The following MYO18B variants were observed in gnomAD, a reference collection of about 807,000 sequenced individuals.
MYO18B encodes unconventional myosin-XVIIIb.
MYO18B carries 204 observed loss-of-function variants against 273.0 expected under a neutral mutation model. The observed-to-expected ratio is 0.75, with a 90% CI of 0.67 to 0.84. The LOEUF (loss-of-function observed/expected upper bound fraction) is 0.84. Among genes scored for constraint, MYO18B ranks in the 40% least tolerant of loss-of-function variants. The pLI is 0.00. For synonymous variants in MYO18B, 1,330 were observed against 1,305.7 expected, an observed-to-expected ratio of 1.02 and a Z score of -0.40; for missense variants, 3,212 against 3,287.6, an observed-to-expected ratio of 0.98 and a Z score of 0.56.
chr22:25,777,917 A>G lies in MYO18B; in HGVS notation c.2068+136A>G, dbSNP rs2086979819. 6.3e-6 allele frequency: 5 copies of G among 788,612 alleles called. No individual in the cohort carries two copies. In the South Asian group the frequency reaches 1.3e-4, roughly 21 times the overall value. 48.9% of individuals were successfully genotyped at this position (788,612 alleles called of 1,614,324 possible). On this transcript the variant is annotated intron_variant, in intron 8 of 43. Transcript: ENST00000335473. ...GATATGTGCAGACCCCATGCTTGCT[A>G]CTGGGCAGGGCTATCCCTAGGTCAT...
At chr22:25,872,277 G>A (rs1037486741) in intron 22 of MYO18B, among the ~76,000 whole-genome samples, 2 of 152,174 alleles carry the variant, frequency 1.3e-5, no homozygotes, top group African/African-American at 2.4e-5. Flanking sequence ...AGAATCGATC[G>A]AGACCCTTTG....
intron 39 of MYO18B, among the ~76,000 whole-genome samples, chr22:25,980,642 G>T (rs2093139570): frequency 6.6e-6 from 1 of 152,186 alleles, no homozygotes; most frequent in South Asian, 2.1e-4. Context: ...CCAAGTAATA[G>T]ATTTAAGGAT....
chr22:25,808,888 G>A (rs538607195), intron 12 of MYO18B, among the ~76,000 whole-genome samples: 2 of 152,098 alleles, frequency 1.3e-5, no homozygotes, highest in African/African-American at 4.8e-5. Context: ...TGTTATTAAC[G>A]AAAAATCAGT....
At chr22:25,821,950 T>C (rs917053413) in intron 12 of MYO18B, among the ~76,000 whole-genome samples, 3 of 152,264 alleles carry the variant, frequency 2.0e-5, no homozygotes, top group African/African-American at 7.2e-5. Flanking sequence ...TTACAGCAGT[T>C]TAGAATGATT....
intron 1 of MYO18B, among the ~76,000 whole-genome samples, chr22:25,742,572 C>G (rs2085658617): frequency 6.6e-6 from 1 of 152,094 alleles, no homozygotes; most frequent in African/African-American, 2.4e-5. Flanking sequence ...CAGCTGTTCG[C>G]TAATAATTTT....
intron 13 of MYO18B, among the ~76,000 whole-genome samples, chr22:25,825,936 C>A (rs2089473738): frequency 6.6e-6 from 1 of 152,192 alleles, no homozygotes; most frequent in Admixed American, 6.5e-5. Context: ...TACTGAGTGT[C>A]TGCTATGTGC....
At chr22:26,022,995 C>T (rs1935938058) in intron 42 of MYO18B, among the ~76,000 whole-genome samples, 1 of 152,248 alleles carries the variant, frequency 6.6e-6, no homozygotes, top group Non-Finnish European at 1.5e-5. Context: ...GCTACTTCGC[C>T]ATGGACCCCA....
chr22:25,851,239 C>A (rs1212040458), intron 20 of MYO18B, among the ~76,000 whole-genome samples: 1 of 152,146 alleles, frequency 6.6e-6, no homozygotes, highest in South Asian at 2.1e-4. Context: ...TTCAGTGGAG[C>A]ATTTTATAGG....
chr22:26,001,351 A>C (rs1403073265), intron 40 of MYO18B, among the ~76,000 whole-genome samples: 2 of 152,226 alleles, frequency 1.3e-5, no homozygotes, highest in Non-Finnish European at 2.9e-5. Context: ...ATGGCGCAGC[A>C]CCTAGGGAAT....
At chr22:25,948,839 G>C (rs1205823430) in intron 36 of MYO18B, among the ~76,000 whole-genome samples, 3 of 152,046 alleles carry the variant, frequency 2.0e-5, no homozygotes, top group African/African-American at 7.2e-5. Flanking sequence ...TCCTGACCTA[G>C]GTTGGGAGTC....
At chr22:25,765,934 T>A (rs1215972923) in intron 3 of MYO18B, among the ~76,000 whole-genome samples, 1 of 152,182 alleles carries the variant, frequency 6.6e-6, no homozygotes, top group Non-Finnish European at 1.5e-5. Flanking sequence ...CAAGGCTATG[T>A]CCTGCCTTCC....
chr22:26,043,863 G>C, the MYO18B span, among the ~76,000 whole-genome samples: 69 of 152,130 alleles, frequency 4.5e-4, no homozygotes, highest in African/African-American at 1.6e-3. Flanking sequence ...GCTCAGGCTG[G>C]CATTGAACTC....
intron 34 of MYO18B, among the ~76,000 whole-genome samples, chr22:25,922,862 G>A (rs1265716574): frequency 6.6e-6 from 1 of 152,198 alleles, no homozygotes; most frequent in African/African-American, 2.4e-5. Flanking sequence ...TTCAGTTAGA[G>A]CTTATTCGCT....
At chr22:25,833,120 T>TCATTGGCAA (rs1309003210) in intron 16 of MYO18B, 123 bp downstream of exon 16, 2 of 890,304 alleles carry the variant, frequency 2.2e-6, no homozygotes, top group African/African-American at 3.3e-5. Context: ...CACCCCGGGA[T>TCATTGGCAA]CATTGGCAAC....
At chr22:25,884,206 C>T (rs1380422716) in intron 25 of MYO18B, among the ~76,000 whole-genome samples, 3 of 152,168 alleles carry the variant, frequency 2.0e-5, no homozygotes, top group East Asian at 3.9e-4. Flanking sequence ...TTGCAAAGTG[C>T]TGAGGGAGTT....
chr22:25,786,201 A>G (rs1378435354), intron 11 of MYO18B, among the ~76,000 whole-genome samples: 1 of 152,202 alleles, frequency 6.6e-6, no homozygotes, highest in Non-Finnish European at 1.5e-5. Context: ...ATCCTCATCC[A>G]TGGATTTTCA....
chr22:25,908,827 A>G (rs779250838), intron 32 of MYO18B, among the ~76,000 whole-genome samples: 1 of 152,214 alleles, frequency 6.6e-6, no homozygotes, highest in Admixed American at 6.5e-5. Flanking sequence ...AGTGTGTAAG[A>G]AAGCAATAAC....
At chr22:25,778,081 C>T (rs2086987968) in intron 8 of MYO18B, among the ~76,000 whole-genome samples, 2 of 152,138 alleles carry the variant, frequency 1.3e-5, no homozygotes, top group South Asian at 2.1e-4. Context: ...TCCTAATAGA[C>T]GTACACAAAT....
intron 39 of MYO18B, among the ~76,000 whole-genome samples, chr22:25,979,385 G>A (rs1410796465): frequency 2.0e-5 from 3 of 152,134 alleles, no homozygotes; most frequent in African/African-American, 7.2e-5. Flanking sequence ...AAAATTGGGT[G>A]GCACAGATAT....
Sources: allele counts gnomAD v4.1 joint callset (sites outside exome capture counted in the v4.1 genomes callset), GRCh38; gene constraint gnomAD v4.1.1; transcripts MANE v1.5; gene names NCBI Gene and HGNC (gene_info 2026-07-23, HGNC 2026-07-21).